IQCK: variants seen among roughly 807,000 people sequenced by gnomAD.
IQCK encodes IQ domain-containing protein K.
Under a neutral mutation model 28.1 loss-of-function variants are expected in IQCK, and 29 were observed. The ratio of observed to expected loss-of-function variants is 1.03; its 90% CI spans 0.77 to 1.41. The LOEUF (loss-of-function observed/expected upper bound fraction) is 1.41. IQCK is among the 40% of genes most tolerant of loss of function. IQCK has a pLI of 0.00. For synonymous variants in IQCK, 113 were observed against 115.1 expected (o/e 0.98, Z 0.12); for missense variants, 359 against 314.7 (o/e 1.14, Z -1.07).
chr16:19,769,611 C>T (rs142598038), intron 6 of IQCK, among the ~76,000 whole-genome samples: 43 of 152,214 alleles, frequency 2.8e-4, no homozygotes, highest in African/African-American at 9.1e-4. Flanking sequence ...ATGGAAGCTA[C>T]GGCTAGAAGG....
intron 3 of IQCK, among the ~76,000 whole-genome samples, chr16:19,734,755 TG>T (rs1199330089): frequency 2.8e-5 from 4 of 143,956 alleles, no homozygotes; most frequent in Non-Finnish European, 4.5e-5. Context: ...CACTCCAGCC[TG>T]GGCGACAGAG....
At chr16:19,762,285 C>A (rs143002402) in intron 4 of IQCK, among the ~76,000 whole-genome samples, 2 of 152,144 alleles carry the variant, frequency 1.3e-5, no homozygotes, top group African/African-American at 4.8e-5. Context: ...ACACTGCTGG[C>A]GGCACCTGTG....
intron 7 of IQCK, among the ~76,000 whole-genome samples, chr16:19,804,078 C>G (rs184372113): frequency 6.6e-6 from 1 of 152,130 alleles, no homozygotes; most frequent in Non-Finnish European, 1.5e-5. Context: ...TTGCCAGGTG[C>G]GGCGGCTCAC....
At chr16:19,752,603 C>G (rs2055001257) in intron 4 of IQCK, among the ~76,000 whole-genome samples, 1 of 152,150 alleles carries the variant, frequency 6.6e-6, no homozygotes, top group African/African-American at 2.4e-5. Context: ...GGGTCTCACT[C>G]TGCTGCCCAG....
At chr16:19,827,209 G>A (rs1280230344), downstream of IQCK, 2 of 1,088,994 alleles carry the variant, frequency 1.8e-6, no homozygotes, top group Non-Finnish European at 2.8e-6. Flanking sequence ...TCAAGAAGGA[G>A]GCCCTCTGAG....
At chr16:19,854,980 T>A in intron 9 of IQCK, among the ~76,000 whole-genome samples, 1 of 152,222 alleles carries the variant, frequency 6.6e-6, no homozygotes, top group East Asian at 1.9e-4. Flanking sequence ...GCTCCAAGTA[T>A]TAAAAATATT....
intron 6 of IQCK, among the ~76,000 whole-genome samples, chr16:19,777,720 C>T (rs779798533): frequency 9.2e-5 from 14 of 152,110 alleles, no homozygotes; most frequent in Non-Finnish European, 8.8e-5. Flanking sequence ...GTACTGCTTC[C>T]GTTCTTTCTT....
intron 6 of IQCK, chr16:19,764,399 C>T (rs909551604): frequency 2.8e-5 from 7 of 254,458 alleles, no homozygotes; most frequent in Non-Finnish European, 3.0e-5. Flanking sequence ...TCCTGTCTCT[C>T]TGAATGTCAT....
At chr16:19,820,476 C>T (rs974312818) in intron 7 of IQCK, among the ~76,000 whole-genome samples, 11 of 152,022 alleles carry the variant, frequency 7.2e-5, no homozygotes, top group East Asian at 1.9e-4. Flanking sequence ...GGTGAAACCC[C>T]GTCTCTACTA....
intron 9 of IQCK, among the ~76,000 whole-genome samples, chr16:19,832,292 G>A (rs759448699): frequency 6.6e-6 from 1 of 151,836 alleles, no homozygotes; most frequent in Non-Finnish European, 1.5e-5. Context: ...AATTTATCAT[G>A]TATGTGTTTG....
chr16:19,736,675 G>A (rs926916709), intron 4 of IQCK, among the ~76,000 whole-genome samples: 1 of 152,174 alleles, frequency 6.6e-6, no homozygotes, highest in Admixed American at 6.5e-5. Context: ...CTCTGTGCCA[G>A]GCACTTTGCT....
At chr16:19,721,922 T>C (rs1255880042) in intron 1 of IQCK, among the ~76,000 whole-genome samples, 1 of 148,856 alleles carries the variant, frequency 6.7e-6, no homozygotes, top group Non-Finnish European at 1.5e-5. Flanking sequence ...GTTATCAGCA[T>C]CCTCACTATT....
At chr16:19,787,083 A>G (rs1179650687) in intron 6 of IQCK, among the ~76,000 whole-genome samples, 1 of 53,174 alleles carries the variant, frequency 1.9e-5, no homozygotes, top group Non-Finnish European at 3.0e-5. Flanking sequence ...CATTCATTTA[A>G]ACAAATAGAC....
At chr16:19,771,413 A>G (rs969718084) in intron 6 of IQCK, among the ~76,000 whole-genome samples, 1 of 152,194 alleles carries the variant, frequency 6.6e-6, no homozygotes, top group Non-Finnish European at 1.5e-5. Context: ...ATTTTGATGC[A>G]GACATCTTTA....
intron 7 of IQCK, among the ~76,000 whole-genome samples, chr16:19,817,865 C>G (rs1383782106): frequency 6.6e-6 from 1 of 152,096 alleles, no homozygotes; most frequent in Non-Finnish European, 1.5e-5. Context: ...GTATGTCCTT[C>G]CAAACATTAA....
chr16:19,812,601 G>A (rs561180925), intron 7 of IQCK, among the ~76,000 whole-genome samples: 1 of 152,120 alleles, frequency 6.6e-6, no homozygotes, highest in South Asian at 2.1e-4. Flanking sequence ...ACAGTTTACT[G>A]ACCCCTGGAT....
intron 6 of IQCK, among the ~76,000 whole-genome samples, chr16:19,772,848 C>A (rs374184611): frequency 2.0e-5 from 3 of 151,840 alleles, no homozygotes; most frequent in African/African-American, 7.3e-5. Flanking sequence ...TATAAAAAAT[C>A]AAAAATCAGC....
intron 4 of IQCK, among the ~76,000 whole-genome samples, chr16:19,743,164 C>G (rs957253420): frequency 6.6e-6 from 1 of 150,744 alleles, no homozygotes; most frequent in Non-Finnish European, 1.5e-5. Flanking sequence ...GAGTGAGATT[C>G]TGTCTCAAAT....
At chr16:19,755,275 G>C (rs2055037279) in intron 4 of IQCK, among the ~76,000 whole-genome samples, 1 of 152,196 alleles carries the variant, frequency 6.6e-6, no homozygotes, top group African/African-American at 2.4e-5. Flanking sequence ...CCATCACCCT[G>C]AATACAAGTG....
Sources: gnomAD v4.1 joint callset for allele counts (sites outside exome capture counted in the v4.1 genomes callset) on GRCh38, gnomAD v4.1.1 for gene constraint, MANE v1.5 for transcripts, NCBI Gene and HGNC (gene_info 2026-07-23, HGNC 2026-07-21) for gene names.